The following EFHD1 variants were observed in gnomAD, a reference collection of about 807,000 sequenced individuals.
The protein encoded by EFHD1 is EF-hand domain-containing protein D1.
EFHD1 carries 10 observed loss-of-function variants against 17.2 expected under a neutral mutation model. That is an observed-to-expected ratio of 0.58 (90% CI 0.36 to 0.99). The LOEUF is 0.99. Among genes scored for constraint, EFHD1 ranks in the 50% least tolerant of loss-of-function variants. The pLI, the probability that EFHD1 is intolerant of heterozygous loss-of-function variation, is 0.01. For synonymous variants in EFHD1, 153 were observed against 142.0 expected (o/e 1.08, Z -0.55); for missense variants, 310 against 327.5 (o/e 0.95, Z 0.41).
intron 1 of EFHD1, among the ~76,000 whole-genome samples, chr2:232,635,851 G>C (rs556459302): frequency 2.0e-5 from 3 of 152,090 alleles, no homozygotes. Flanking sequence ...GGGGAAGGCA[G>C]TGTGTGGCCT....
chr2:232,635,253 C>T (rs1694296884), intron 1 of EFHD1, among the ~76,000 whole-genome samples: 1 of 152,364 alleles, frequency 6.6e-6, no homozygotes, highest in Admixed American at 6.5e-5. Context: ...GGGGTAATGC[C>T]TTTCATGGGA....
chr2:232,678,652 G>A (rs1312819397), intron 3 of EFHD1, among the ~76,000 whole-genome samples: 7 of 152,048 alleles, frequency 4.6e-5, no homozygotes, highest in Non-Finnish European at 7.4e-5. Context: ...GCGTGTTGCC[G>A]CATACCTGTA....
At chr2:232,606,513 C>T (rs1461221324) in intron 1 of EFHD1, 2 of 399,880 alleles carry the variant, frequency 5.0e-6, no homozygotes, top group Admixed American at 7.1e-5. Context: ...CGCCATCCTC[C>T]GCTCCCAGTC....
intron 3 of EFHD1, among the ~76,000 whole-genome samples, chr2:232,677,395 T>G (rs1176550761): frequency 6.6e-6 from 1 of 151,760 alleles, no homozygotes; most frequent in African/African-American, 2.4e-5. Flanking sequence ...CAGGGGGAAT[T>G]TAGAAAATGG....
intron 1 of EFHD1, among the ~76,000 whole-genome samples, chr2:232,647,431 G>A (rs532434950): frequency 1.3e-3 from 204 of 152,296 alleles, no homozygotes; most frequent in African/African-American, 4.4e-3. Context: ...CCCCCTCGTC[G>A]GGGCCTCCCT....
Position 232,623,029 on chromosome 2 carries a change from T to C in EFHD1, c.14+16856T>C, listed in dbSNP as rs188334439. ...TAAAAGCATATGGCCACTAGAAAAC[T>C]TTTCTTCTTTTCTTTTCTTTTCTTT... On this transcript the variant is annotated intron_variant, in intron 1 of 3. Transcript: ENST00000409613. Among the ~76,000 whole-genome samples the C allele has an allele frequency of 2.2e-4, 33 of 152,250 alleles. 1 individual carries two copies. The East Asian group carries it at 5.0e-3, about 23-fold the overall frequency.
upstream of EFHD1, among the ~76,000 whole-genome samples, chr2:232,632,775 G>A (rs796513667): frequency 3.3e-5 from 5 of 152,258 alleles, no homozygotes; most frequent in African/African-American, 1.2e-4. Flanking sequence ...ACAGACGAGC[G>A]CCACTATGCC....
intron 1 of EFHD1, among the ~76,000 whole-genome samples, chr2:232,636,652 C>T (rs530132072): frequency 3.9e-5 from 6 of 152,012 alleles, no homozygotes; most frequent in African/African-American, 1.4e-4. Flanking sequence ...GGTGAAACCC[C>T]GTCTCTACTA....
rs756195966 is a variant in EFHD1 at position 232,662,796 on chromosome 2, C to A, written c.303-6C>A. 1.3e-6 allele frequency: 2 copies of A among 1,568,156 alleles called. No individual in the cohort carries two copies. Among genetic ancestry groups the A allele is most frequent in the Non-Finnish European group, 1.7e-6 (2 of 1,161,976 alleles). ...ATCCCGGTCATGCATTCCTTTGACC[C>A]TGCAGGTATGACGCTGGGCGGGATG... On this transcript the variant is annotated splice_region_variant and splice_polypyrimidine_tract_variant and intron_variant, in intron 1 of 3. Transcript: ENST00000264059.
intron 1 of EFHD1, among the ~76,000 whole-genome samples, chr2:232,642,373 C>CAAAAAAAAAAAAAAAAAAAAAAAAAAAA (rs764647177): frequency 1.4e-5 from 1 of 68,968 alleles, no homozygotes; most frequent in Non-Finnish European, 2.6e-5. Flanking sequence ...GACTCTGTCT[C>CAAAAAAAAAAAAAAAAAAAAAAAAAAAA]AAAAAAAAAA....
At chr2:232,679,275 G>A (rs1170280013) in intron 3 of EFHD1, among the ~76,000 whole-genome samples, 3 of 152,102 alleles carry the variant, frequency 2.0e-5, no homozygotes, top group Non-Finnish European at 4.4e-5. Flanking sequence ...TTTTAAATAT[G>A]TATATCGTCC....
chr2:232,621,732 G>A (rs1334605044), intron 1 of EFHD1, among the ~76,000 whole-genome samples: 7 of 152,310 alleles, frequency 4.6e-5, no homozygotes, highest in Middle Eastern at 3.4e-3. Flanking sequence ...GATTACAGGC[G>A]TGAGCCACTG....
At position 232,656,926 on chromosome 2, in the gene EFHD1, G is replaced by A. The variant is rs78493875; in HGVS notation, c.303-5876G>A. Among the ~76,000 whole-genome samples, 449 of 152,044 alleles carry A rather than the reference G, an allele frequency of 3.0e-3. 5 individuals are homozygous for A. The East Asian group carries it at 0.035, about 12-fold the overall frequency. On this transcript the variant is annotated intron_variant, in intron 1 of 3. Coordinates refer to ENST00000264059, the MANE Select transcript of EFHD1 (RefSeq NM_025202.4). ...CCCGAGTAGCTGGGACCGCAGATGT[G>A]GGCCACCACATTCAGGTACTTTCTT...
chr2:232,634,080 G>C, intron 1 of EFHD1, 74 bp downstream of exon 1: 8 of 1,567,310 alleles, frequency 5.1e-6, no homozygotes, highest in Non-Finnish European at 6.9e-6. Context: ...CCGAAGTCCC[G>C]GGCCCTGTTT....
intron 3 of EFHD1, among the ~76,000 whole-genome samples, chr2:232,675,606 A>AG (rs1211075380): frequency 6.6e-6 from 1 of 152,192 alleles, no homozygotes; most frequent in African/African-American, 2.4e-5. Context: ...CCGCAGGTGC[A>AG]GGGGAGCCGT....
intron 1 of EFHD1, among the ~76,000 whole-genome samples, chr2:232,642,568 A>G (rs746792224): frequency 5.3e-5 from 8 of 152,108 alleles, no homozygotes; most frequent in Non-Finnish European, 8.8e-5. Context: ...TCCTCACCCC[A>G]GAAAAATTTG....
At chr2:232,630,506 C>T (rs1694183038), upstream of EFHD1, among the ~76,000 whole-genome samples, 1 of 152,228 alleles carries the variant, frequency 6.6e-6, no homozygotes, top group African/African-American at 2.4e-5. Context: ...AGCCCTCAAT[C>T]TTTGCCCCTT....
chr2:232,671,822 C>T (rs1018128234), intron 2 of EFHD1, among the ~76,000 whole-genome samples: 1 of 152,022 alleles, frequency 6.6e-6, no homozygotes, highest in East Asian at 1.9e-4. Flanking sequence ...TTTGGGAGGC[C>T]GAGGCGGACA....
rs558828185 is a variant in EFHD1 at position 232,664,200 on chromosome 2, A to G, written c.450+1251A>G. Reference sequence around the variant, plus strand: ...GTTGCCCAGGCTAGAATGCAGTGGCATGATCACAGCTCACTGCAGCCTCAA... The same window carrying G: ...GTTGCCCAGGCTAGAATGCAGTGGCGTGATCACAGCTCACTGCAGCCTCAA... On this transcript the variant is annotated intron_variant, in intron 2 of 3. Coordinates refer to ENST00000264059, the MANE Select transcript of EFHD1 (RefSeq NM_025202.4). Among the ~76,000 whole-genome samples, 7 of 151,714 alleles carry G rather than the reference A, an allele frequency of 4.6e-5. No homozygotes were observed. The East Asian group carries it at 9.7e-4, about 21-fold the overall frequency.
Sources: gnomAD v4.1 joint callset for allele counts (sites outside exome capture counted in the v4.1 genomes callset) on GRCh38, gnomAD v4.1.1 for gene constraint, MANE v1.5 for transcripts, NCBI Gene and HGNC (gene_info 2026-07-23, HGNC 2026-07-21) for gene names.